The following IFIH1 variants were observed in gnomAD, a reference collection of about 807,000 sequenced individuals.
The protein encoded by IFIH1 is interferon induced with helicase C domain 1.
A neutral mutation model predicts 107.4 loss-of-function variants in IFIH1; 125 were observed. The ratio of observed to expected loss-of-function variants is 1.16; its 90% confidence interval spans 1.01 to 1.35. IFIH1 has a LOEUF of 1.35. Among genes scored for constraint, IFIH1 ranks in the 40% most tolerant of loss-of-function variants. The pLI, the probability that IFIH1 is intolerant of heterozygous loss-of-function variation, is 0.00. For synonymous variants in IFIH1, 458 were observed against 413.2 expected (o/e 1.11, Z -1.31); for missense variants, 1,333 against 1,213.7 (o/e 1.10, Z -1.46).
chr2:162,282,327 A>G, intron 6 of IFIH1, 39 bp downstream of exon 6: 2 of 1,275,758 alleles, frequency 1.6e-6, no homozygotes, highest in Non-Finnish European at 2.2e-6. Flanking sequence ...CATCAATATT[A>G]CTATTAATTT....
intron 12 of IFIH1, among the ~76,000 whole-genome samples, chr2:162,272,664 C>T (rs945326775): frequency 6.6e-6 from 1 of 152,108 alleles, no homozygotes; most frequent in African/African-American, 2.4e-5. Context: ...AGGCTTTTTG[C>T]TCTCAGAACT....
In IFIH1 at chr2:162,317,979, G is replaced by A; in HGVS notation, c.329C>T (p.Ala110Val). Residue 110 changes from alanine to valine, a missense_variant, in exon 1 of 16, where the codon GCT becomes GTT. Ala to Val is a moderately conservative substitution (Grantham distance 64, BLOSUM62 0). Transcript: ENST00000649979. ...TDLPSPSFENAHDEYLQLLNL... is the reference protein window; with the variant it reads ...TDLPSPSFENVHDEYLQLLNL... ...CAGCAGTTGGAGATATTCATCATGA[G>A]CGTTCTCAAACGATGGAGAGGGCAA... 2.5e-6 allele frequency: 4 copies of A among 1,614,186 alleles called. No individual in the cohort carries two copies. The highest frequency in any genetic ancestry group is 3.4e-6 in the Non-Finnish European group (4 of 1,180,038).
intron 4 of IFIH1, among the ~76,000 whole-genome samples, chr2:162,291,640 T>C (rs1174819583): frequency 6.6e-6 from 1 of 151,774 alleles, no homozygotes; most frequent in East Asian, 1.9e-4. Context: ...ATATGACCTC[T>C]GGAGGAGGAG....
intron 1 of IFIH1, 83 bp downstream of exon 1, chr2:162,317,772 C>T: frequency 7.0e-6 from 8 of 1,135,152 alleles, no homozygotes; most frequent in Admixed American, 2.3e-5. Flanking sequence ...AGGTCAAGCA[C>T]ATTTGGAAAG....
At position 162,318,012 on chromosome 2, in the gene IFIH1, A is replaced by C; in HGVS notation, c.296T>G (p.Leu99Arg). 6.2e-7 allele frequency: 1 copy of C among 1,614,188 alleles called. No individual in the cohort carries two copies. The highest frequency in any genetic ancestry group is 1.3e-5 in the African/African-American group (1 of 75,062). The stretch of plus-strand genomic sequence containing the variant: ...AAACGATGGAGAGGGCAAGTCCGTG[A>C]GCTCAGGGTTCATGTAGCGGGCGGC... ...PLAARYMNPE[L>R]TDLPSPSFEN... is the part of the protein sequence containing the mutation. Residue 99 changes from leucine (L) to arginine (R), a missense_variant, in exon 1 of 16, where the codon CTC becomes CGC. Physicochemically the swap from Leu to Arg is moderately radical, Grantham distance 102 (BLOSUM62 -2). Transcript: ENST00000649979.
At chr2:162,270,442 T>G (rs1022176380) in intron 13 of IFIH1, among the ~76,000 whole-genome samples, 8 of 152,182 alleles carry the variant, frequency 5.3e-5, no homozygotes, top group Non-Finnish European at 1.0e-4. Context: ...GTAAACATCT[T>G]CCCAGTAGCA....
rs1350359115 is a variant in IFIH1 at position 162,306,701 on chromosome 2, T to G, written c.769+8A>C. Reference sequence around the variant, plus strand: ...TACTGTATTAAAGTACGTATGTGTTTCAAGTACCTGAAACTACAGAAGAAT... The same window carrying G: ...TACTGTATTAAAGTACGTATGTGTTGCAAGTACCTGAAACTACAGAAGAAT... On this transcript the variant is annotated splice_region_variant and intron_variant, in intron 3 of 15. Transcript: ENST00000649979. The G allele has an allele frequency of 9.3e-6, 15 of 1,613,130 alleles. No individual in the cohort carries two copies. The highest frequency in any genetic ancestry group is 1.2e-5 in the Non-Finnish European group (14 of 1,179,376).
intron 4 of IFIH1, 133 bp downstream of exon 4, chr2:162,293,431 A>C: frequency 1.7e-6 from 1 of 579,710 alleles, no homozygotes; most frequent in African/African-American, 1.9e-5. Context: ...AAAGTTCCAA[A>C]ACTATTTCAC....
intron 1 of IFIH1, among the ~76,000 whole-genome samples, chr2:162,316,360 T>A: frequency 6.6e-6 from 1 of 152,204 alleles, no homozygotes; most frequent in East Asian, 1.9e-4. Flanking sequence ...GCCACAGTGA[T>A]GTACACATTT....
At chr2:162,276,001 G>A (rs923289545) in intron 11 of IFIH1, among the ~76,000 whole-genome samples, 1 of 152,048 alleles carries the variant, frequency 6.6e-6, no homozygotes, top group Admixed American at 6.6e-5. Flanking sequence ...TAGTTATAAC[G>A]AACACATTTT....
At chr2:162,301,509 T>G (rs1476977902) in intron 3 of IFIH1, among the ~76,000 whole-genome samples, 1 of 152,230 alleles carries the variant, frequency 6.6e-6, no homozygotes, top group Non-Finnish European at 1.5e-5. Context: ...GCAATAAAGT[T>G]GACTTAGTTT....
rs759356432 is a variant in IFIH1 at position 162,268,153 on chromosome 2, G to A, written c.2741C>T (p.Ala914Val). Reference sequence around the variant, plus strand: ...TACATGGATATCTTCCCCAGAACAGGCTAGCACACTGCAGTTTTTGCAAAG... The same window carrying A: ...TACATGGATATCTTCCCCAGAACAGACTAGCACACTGCAGTTTTTGCAAAG... The part of the protein sequence containing the change: ...TFLCKNCSVL[A>V]CSGEDIHVIE... The change falls in exon 14 of 16, where the codon GCC becomes GTC. Residue 914 changes from alanine (A) to valine (V), a missense_variant. By Grantham distance (64) the Ala-to-Val change is moderately conservative. Coordinates refer to ENST00000649979, the MANE Select transcript of IFIH1 (RefSeq NM_022168.4). The A allele has an allele frequency of 6.8e-6, 11 of 1,613,712 alleles. No homozygotes were observed. The highest frequency in any genetic ancestry group is 9.3e-6 in the Non-Finnish European group (11 of 1,179,830).
intron 3 of IFIH1, 34 bp from the exon 4 acceptor site, chr2:162,293,702 A>T (rs766798634): frequency 7.0e-7 from 1 of 1,426,432 alleles, no homozygotes; most frequent in South Asian, 1.2e-5. Flanking sequence ...TATTTTTAAA[A>T]TATTTCTGAG....
chr2:162,309,134 C>A (rs1298619008), intron 2 of IFIH1, among the ~76,000 whole-genome samples: 1 of 152,190 alleles, frequency 6.6e-6, no homozygotes, highest in Non-Finnish European at 1.5e-5. Context: ...AAGGTAAATT[C>A]TGTCACATCT....
chr2:162,302,169 G>A (rs1469984347), intron 3 of IFIH1, among the ~76,000 whole-genome samples: 1 of 152,084 alleles, frequency 6.6e-6, no homozygotes, highest in Non-Finnish European at 1.5e-5. Flanking sequence ...CACTGTTACT[G>A]ATGGTAGTGT....
Position 162,278,270 on chromosome 2 carries a change from A to G in IFIH1, c.1700T>C (p.Met567Thr). 1 of 1,557,986 alleles carries G rather than the reference A, an allele frequency of 6.4e-7. No homozygotes were observed. Among genetic ancestry groups the G allele is most frequent in the Middle Eastern group, 1.9e-4 (1 of 5,272 alleles). The change falls in exon 9 of 16, where the codon ATG becomes ACG. Residue 567 changes from methionine to threonine, a missense_variant. Coordinates refer to ENST00000649979, the MANE Select transcript of IFIH1 (RefSeq NM_022168.4). Reference sequence around the variant, plus strand: ...AGTTCCAAAATCTGACATTGGACTCATTTGACAATAAGTTTGAATCCTTGT... The same window carrying G: ...AGTTCCAAAATCTGACATTGGACTCGTTTGACAATAAGTTTGAATCCTTGT... Reference protein sequence around the residue: ...IMTRIQTYCQMSPMSDFGTQP... With the variant: ...IMTRIQTYCQTSPMSDFGTQP...
chr2:162,272,461 G>A, intron 12 of IFIH1, 74 bp from the exon 13 acceptor site: 1 of 1,277,026 alleles, frequency 7.8e-7, no homozygotes, highest in African/African-American at 1.7e-5. Flanking sequence ...TTCTGGGAAT[G>A]ATATTCTTGC....
chr2:162,271,697 T>A (rs967830046), intron 13 of IFIH1, among the ~76,000 whole-genome samples: 2 of 152,232 alleles, frequency 1.3e-5, no homozygotes, highest in Non-Finnish European at 2.9e-5. Context: ...TTCTCTTCAC[T>A]TATCTTGATA....
Position 162,288,293 on chromosome 2 carries a change from T to C in IFIH1, c.937A>G (p.Met313Val), listed in dbSNP as rs1221661692. 3 of 1,612,800 alleles carry C rather than the reference T, an allele frequency of 1.9e-6. No homozygotes were observed. The highest frequency in any genetic ancestry group is 2.5e-6 in the Non-Finnish European group (3 of 1,179,234). Residue 313 changes from methionine (M) to valine (V), a missense_variant, in exon 5 of 16, where the codon ATG becomes GTG. Coordinates refer to ENST00000649979, the MANE Select transcript of IFIH1 (RefSeq NM_022168.4). ...EPELQLRPYQMEVAQPALEGK... is the reference protein window; with the variant it reads ...EPELQLRPYQVEVAQPALEGK... Reference sequence around the variant, plus strand: ...TCCAAGGCTGGCTGGGCAACTTCCATTTGGTAAGGCCTGAGCTGGAGTTCT... The same window carrying C: ...TCCAAGGCTGGCTGGGCAACTTCCACTTGGTAAGGCCTGAGCTGGAGTTCT...
Sources: allele counts gnomAD v4.1 joint callset (sites outside exome capture counted in the v4.1 genomes callset), GRCh38; gene constraint gnomAD v4.1.1; transcripts MANE v1.5; gene names NCBI Gene and HGNC (gene_info 2026-07-23, HGNC 2026-07-21).